The following RUVBL2 variants were observed in gnomAD, a reference collection of about 807,000 sequenced individuals.
RUVBL2 encodes RuvB like AAA ATPase 2, also known as ruvB-like 2.
In RUVBL2, 9 loss-of-function variants were observed where a neutral mutation model predicts 57.9. The observed-to-expected ratio is 0.16, with a 90% CI of 0.09 to 0.27. RUVBL2 has a LOEUF of 0.27. Ranked by LOEUF, RUVBL2 falls within the 10% of genes least tolerant of loss-of-function variation. RUVBL2 has a pLI of 1.00. For synonymous variants in RUVBL2, 278 were observed against 264.6 expected (o/e 1.05, Z -0.49); for missense variants, 456 against 669.6 (o/e 0.68, Z 3.52).
chr19:49,008,876 G>T (rs1410251936), intron 6 of RUVBL2, among the ~76,000 whole-genome samples: 2 of 152,070 alleles, frequency 1.3e-5, no homozygotes, highest in Non-Finnish European at 2.9e-5. Context: ...CTACTTGGGA[G>T]GCTAAGGCAG....
At chr19:49,015,513 G>T in intron 13 of RUVBL2, 59 bp from the exon 14 acceptor site, 3 of 1,279,696 alleles carry the variant, frequency 2.3e-6, no homozygotes, top group Admixed American at 1.7e-5. Context: ...ATACGCTGGG[G>T]TCTGTGCCTT....
chr19:49,007,424 G>T (rs756056791), intron 6 of RUVBL2, 56 bp downstream of exon 6: 121 of 1,523,170 alleles, frequency 7.9e-5, no homozygotes, highest in Admixed American at 2.1e-4. Flanking sequence ...CAGGGTTGGA[G>T]AGAGTAGATA....
At chr19:49,004,763 G>A (rs1178075563) in intron 4 of RUVBL2, among the ~76,000 whole-genome samples, 1 of 151,998 alleles carries the variant, frequency 6.6e-6, no homozygotes, top group East Asian at 1.9e-4. Flanking sequence ...CCTCGAGTTG[G>A]CTTCCTTTAA....
Position 49,005,551 on chromosome 19 carries a change from G to A in RUVBL2, c.265+1133G>A, listed in dbSNP as rs1387879640. 3.3e-5 allele frequency among the ~76,000 whole-genome samples: 5 copies of A among 152,156 alleles called. 1 individual carries two copies. Among genetic ancestry groups the A allele is most frequent in the East Asian group, 1.9e-4 (1 of 5,198 alleles). On this transcript the variant is annotated intron_variant, in intron 4 of 14. Transcript: ENST00000595090. ...TAGGATGGCCAGGAGGCTCCTGGGC[G>A]GACACTGGGGACAGCATGTCCAGGC...
At chr19:49,006,465 A>G (rs2122616199) in intron 4 of RUVBL2, among the ~76,000 whole-genome samples, 1 of 152,016 alleles carries the variant, frequency 6.6e-6, no homozygotes, top group South Asian at 2.1e-4. Context: ...GCCCATAGTC[A>G]CTCCTAAGCA....
At chr19:49,008,008 CTT>C (rs915809242) in intron 6 of RUVBL2, among the ~76,000 whole-genome samples, 6 of 90,402 alleles carry the variant, frequency 6.6e-5, no homozygotes, top group Admixed American at 3.5e-4. Flanking sequence ...TACCTGGCCT[CTT>C]TTTTTTTTTT....
chr19:49,008,111 T>C (rs556996371), intron 6 of RUVBL2, among the ~76,000 whole-genome samples: 1 of 151,076 alleles, frequency 6.6e-6, no homozygotes, highest in African/African-American at 2.4e-5. Flanking sequence ...TATTTGGGTA[T>C]AAAATAGGAA....
At chr19:49,005,169 T>C (rs899231268) in intron 4 of RUVBL2, among the ~76,000 whole-genome samples, 1 of 152,190 alleles carries the variant, frequency 6.6e-6, no homozygotes, top group Non-Finnish European at 1.5e-5. Flanking sequence ...CTCTGCCCCA[T>C]TGAAGCTTTT....
At chr19:49,008,020 T>G (rs988570482) in intron 6 of RUVBL2, among the ~76,000 whole-genome samples, 1 of 149,522 alleles carries the variant, frequency 6.7e-6, no homozygotes, top group African/African-American at 2.4e-5. Context: ...TTTTTTTTTT[T>G]TTTTTTTTTT....
At chr19:49,008,063 C>G (rs1166218158) in intron 6 of RUVBL2, among the ~76,000 whole-genome samples, 1 of 126,100 alleles carries the variant, frequency 7.9e-6, no homozygotes, top group Non-Finnish European at 1.7e-5. Flanking sequence ...TTTTGCATAG[C>G]TGTGTTTTCT....
At chr19:49,015,331 TCTTGA>T (rs1406637730) in intron 13 of RUVBL2, 181 bp downstream of exon 13, 11 of 811,816 alleles carry the variant, frequency 1.4e-5, no homozygotes, top group East Asian at 8.1e-5. Flanking sequence ...AGTAAATCTC[TCTTGA>T]CTTAAGTAGA....
chr19:48,993,891 C>T lies in RUVBL2; in HGVS notation c.-21C>T. The T allele has an allele frequency of 1.2e-6, 2 of 1,614,062 alleles. No individual in the cohort carries two copies. The highest frequency in any genetic ancestry group is 1.6e-4 in the Middle Eastern group (1 of 6,062). On this transcript the variant is annotated 5_prime_UTR_variant, in exon 1 of 15. Transcript: ENST00000595090. Reference sequence around the variant, plus strand: ...TCGCGCGTTTCCGTTTCCGCTAGGACTCTGGCAGTTGGTGAGCATCATGGC... The same window carrying T: ...TCGCGCGTTTCCGTTTCCGCTAGGATTCTGGCAGTTGGTGAGCATCATGGC...
rs377317830 is a variant in RUVBL2, at chr19:49,009,960, C to A, written c.570-13C>A. On this transcript the variant is annotated splice_polypyrimidine_tract_variant and intron_variant, in intron 7 of 14. Transcript: ENST00000595090. ...CCATTCCTTTCCTTACCCTACCCCC[C>A]ATCCCCCTGTAGGGACGTGATCACC... 5 of 1,607,502 alleles carry A rather than the reference C, an allele frequency of 3.1e-6. No homozygotes were observed. The highest frequency in any genetic ancestry group is 2.7e-5 in the African/African-American group (2 of 74,812).
intron 9 of RUVBL2, 79 bp downstream of exon 9, chr19:49,010,690 C>G: frequency 6.3e-7 from 1 of 1,576,448 alleles, no homozygotes; most frequent in Non-Finnish European, 8.6e-7. Flanking sequence ...TGTTCCTGAG[C>G]TCCGAGTGTG....
intron 9 of RUVBL2, 90 bp downstream of exon 9, chr19:49,010,701 G>A (rs1568640712): frequency 1.9e-6 from 3 of 1,551,088 alleles, no homozygotes; most frequent in Admixed American, 1.8e-5. Flanking sequence ...TCCGAGTGTG[G>A]CCCACCTGCT....
chr19:49,004,115 CAAAAAA>C (rs74182026), intron 3 of RUVBL2, 156 bp from the exon 4 acceptor site: 240 of 292,596 alleles, frequency 8.2e-4, no homozygotes, highest in East Asian at 2.4e-3. Context: ...GATCTTGTCT[CAAAAAA>C]AAAAAAAAAA....
intron 11 of RUVBL2, 44 bp from the exon 12 acceptor site, chr19:49,014,440 G>A: frequency 6.3e-7 from 1 of 1,596,696 alleles, no homozygotes; most frequent in Non-Finnish European, 8.6e-7. Context: ...GGAATGAAGA[G>A]GGAACATGCC....
At chr19:48,997,109 G>A (rs79502742) in intron 1 of RUVBL2, among the ~76,000 whole-genome samples, 15,272 of 151,714 alleles carry the variant, frequency 0.1, 919 homozygotes, top group African/African-American at 0.16. Context: ...GAACATTGTC[G>A]TCACCCCAAA....
intron 8 of RUVBL2, 35 bp downstream of exon 8, chr19:49,010,101 A>C (rs2039380781): frequency 1.9e-6 from 3 of 1,582,558 alleles, no homozygotes; most frequent in Non-Finnish European, 2.6e-6. Context: ...CCTCGCCCCC[A>C]GCACTGGGGT....
Sources: gnomAD v4.1 joint callset for allele counts (sites outside exome capture counted in the v4.1 genomes callset) on GRCh38, gnomAD v4.1.1 for gene constraint, MANE v1.5 for transcripts, NCBI Gene and HGNC (gene_info 2026-07-23, HGNC 2026-07-21) for gene names.